Variants in PTPRD observed in about 807,000 individuals in gnomAD.
PTPRD encodes the protein protein tyrosine phosphatase receptor type D, also known as receptor-type tyrosine-protein phosphatase delta.
In PTPRD, 34 loss-of-function variants were observed where a neutral mutation model predicts 214.5. The ratio of observed to expected loss-of-function variants is 0.16; its 90% CI spans 0.12 to 0.21. The LOEUF (loss-of-function observed/expected upper bound fraction) is 0.21, where lower values mean the gene tolerates loss of function less well. PTPRD is among the 10% of genes least tolerant of loss of function. The pLI, the probability that PTPRD is intolerant of heterozygous loss-of-function variation, is 1.00. For missense variants in PTPRD, 2,545 were observed against 2,398.7 expected (o/e 1.06, Z -1.27); for synonymous variants, 1,128 against 845.7 (o/e 1.33, Z -5.79).
At chr9:9,631,149 CT>C (rs1292392088) in intron 7 of PTPRD, among the ~76,000 whole-genome samples, 1 of 149,940 alleles carries the variant, frequency 6.7e-6, no homozygotes, top group African/African-American at 2.5e-5. Flanking sequence ...CTGTGTGGTC[CT>C]TAGACAAGCA....
chr9:10,281,036 A>C (rs2095077317), intron 3 of PTPRD, among the ~76,000 whole-genome samples: 2 of 152,174 alleles, frequency 1.3e-5, no homozygotes, highest in South Asian at 4.1e-4. Flanking sequence ...TTCATCTAGC[A>C]GTTTTGCTTC....
chr9:8,492,900 G>A lies in PTPRD; in HGVS notation c.2429C>T (p.Ala810Val), dbSNP rs370537977. The part of the protein sequence containing the change: ...VTAYTTKGDG[A>V]RSKPKLVSTT... ...GGACACCAGTTTGGGCTTGCTGCGAGCACCATCTCCTTTGGTTGTGTAGGC... is the reference window on the plus strand; with the variant it reads ...GGACACCAGTTTGGGCTTGCTGCGAACACCATCTCCTTTGGTTGTGTAGGC... Residue 810 changes from alanine to valine, a missense_variant, in exon 27 of 46, where the codon GCT becomes GTT. Transcript: ENST00000381196. The A allele has an allele frequency of 6.2e-7, 1 of 1,613,882 alleles. No individual in the cohort carries two copies. Among genetic ancestry groups the A allele is most frequent in the Non-Finnish European group, 8.5e-7 (1 of 1,179,806 alleles).
chr9:9,361,286 G>T (rs895512599), intron 9 of PTPRD, among the ~76,000 whole-genome samples: 2 of 150,794 alleles, frequency 1.3e-5, no homozygotes, highest in African/African-American at 2.4e-5. Flanking sequence ...ATTACCACCG[G>T]GGATATCTTT....
intron 21 of PTPRD, among the ~76,000 whole-genome samples, chr9:8,516,093 A>G (rs2097776436): frequency 6.6e-6 from 1 of 152,236 alleles, no homozygotes; most frequent in Admixed American, 6.5e-5. Context: ...ATAATTTCTT[A>G]GAATTTTTTA....
intron 2 of PTPRD, among the ~76,000 whole-genome samples, chr9:10,362,367 A>T (rs1244460250): frequency 6.8e-6 from 1 of 147,648 alleles, no homozygotes; most frequent in Non-Finnish European, 1.5e-5. Context: ...AGATGAGAGA[A>T]TTGAGGAAAA....
At chr9:8,745,663 C>T (rs907010878) in intron 11 of PTPRD, among the ~76,000 whole-genome samples, 1 of 152,092 alleles carries the variant, frequency 6.6e-6, no homozygotes, top group African/African-American at 2.4e-5. Context: ...AATGATTAAC[C>T]AGTAATAGAT....
chr9:9,620,701 T>G (rs1226740018), intron 7 of PTPRD, among the ~76,000 whole-genome samples: 1 of 152,120 alleles, frequency 6.6e-6, no homozygotes, highest in Non-Finnish European at 1.5e-5. Flanking sequence ...TTAAAACAGG[T>G]TCTGGCTTCA....
At chr9:9,456,068 C>T (rs968043175) in intron 8 of PTPRD, among the ~76,000 whole-genome samples, 1 of 151,768 alleles carries the variant, frequency 6.6e-6, no homozygotes, top group Non-Finnish European at 1.5e-5. Flanking sequence ...CTAATCCAAG[C>T]CTGAAATATA....
rs182125968 is a variant in PTPRD at position 8,659,272 on chromosome 9, T to C, written c.65-22428A>G. On this transcript the variant is annotated intron_variant, in intron 12 of 45. Transcript: ENST00000381196. ...TGCTGAGACACTTTGGCTGCAAGAA[T>C]CTCAGGAGACTGTGTTGGCCAGATG... Among the ~76,000 whole-genome samples, 251 of 152,266 alleles carry C rather than the reference T, an allele frequency of 1.6e-3. 3 individuals are homozygous for C. The highest frequency in any genetic ancestry group is 6.0e-3 in the African/African-American group (248 of 41,558).
intron 9 of PTPRD, among the ~76,000 whole-genome samples, chr9:9,345,674 T>C (rs985423652): frequency 1.3e-5 from 2 of 152,168 alleles, no homozygotes; most frequent in Non-Finnish European, 2.9e-5. Flanking sequence ...GAAGGCATAT[T>C]ATCTAGATGC....
At chr9:9,069,587 T>G (rs1002899724) in intron 10 of PTPRD, among the ~76,000 whole-genome samples, 2 of 152,198 alleles carry the variant, frequency 1.3e-5, no homozygotes, top group African/African-American at 4.8e-5. Flanking sequence ...CAGCCTTGTA[T>G]TGAGGCCTTC....
intron 12 of PTPRD, among the ~76,000 whole-genome samples, chr9:8,733,067 T>C (rs572979508): frequency 1.1e-4 from 16 of 152,262 alleles, no homozygotes; most frequent in African/African-American, 3.8e-4. Flanking sequence ...GATGGGAAAA[T>C]AAATGCAGGT....
At chr9:9,462,765 T>C (rs1201040202) in intron 8 of PTPRD, among the ~76,000 whole-genome samples, 2 of 152,130 alleles carry the variant, frequency 1.3e-5, no homozygotes, top group East Asian at 1.9e-4. Flanking sequence ...CTTCGGAGTA[T>C]AGCAGGTGAC....
intron 5 of PTPRD, among the ~76,000 whole-genome samples, chr9:9,817,303 T>C (rs2049080795): frequency 1.3e-5 from 2 of 152,204 alleles, no homozygotes. Flanking sequence ...TGAACTCTGA[T>C]TTGTTTTTAG....
chr9:10,446,989 A>C (rs1180035999), intron 2 of PTPRD, among the ~76,000 whole-genome samples: 1 of 152,156 alleles, frequency 6.6e-6, no homozygotes, highest in Non-Finnish European at 1.5e-5. Context: ...GATCAGCCCA[A>C]ATATACTCTG....
chr9:10,029,350 G>T (rs2097002908), intron 4 of PTPRD, among the ~76,000 whole-genome samples: 1 of 152,136 alleles, frequency 6.6e-6, no homozygotes, highest in Non-Finnish European at 1.5e-5. Context: ...CCATCCTCCA[G>T]ACCCCAGAAT....
chr9:9,450,136 GTGTGTA>G (rs2091731140), intron 8 of PTPRD, among the ~76,000 whole-genome samples: 2 of 150,144 alleles, frequency 1.3e-5, no homozygotes, highest in Middle Eastern at 3.4e-3. Flanking sequence ...GTGTGTGTGT[GTGTGTA>G]TTACAGTTTC....
intron 5 of PTPRD, among the ~76,000 whole-genome samples, chr9:9,934,546 T>C (rs966864978): frequency 1.3e-5 from 2 of 151,396 alleles, no homozygotes; most frequent in Non-Finnish European, 1.5e-5. Context: ...AATCTCTGAA[T>C]AGACCAATAA....
intron 8 of PTPRD, among the ~76,000 whole-genome samples, chr9:9,429,916 C>T (rs932132704): frequency 1.3e-5 from 2 of 152,106 alleles, no homozygotes; most frequent in African/African-American, 2.4e-5. Flanking sequence ...ATAATAATAG[C>T]TATTTATGAC....
Sources: allele counts gnomAD v4.1 joint callset (sites outside exome capture counted in the v4.1 genomes callset), GRCh38; gene constraint gnomAD v4.1.1; transcripts MANE v1.5; gene names NCBI Gene and HGNC (gene_info 2026-07-23, HGNC 2026-07-21).